CAMSAP2: variants seen among roughly 807,000 people sequenced by gnomAD.
The protein encoded by CAMSAP2 is calmodulin regulated spectrin associated protein family member 2.
Under a neutral mutation model 146.1 loss-of-function variants are expected in CAMSAP2, and 26 were observed. That is an observed-to-expected ratio of 0.18 (90% CI 0.13 to 0.25). The LOEUF (loss-of-function observed/expected upper bound fraction) is 0.25. CAMSAP2 is among the 10% of genes least tolerant of loss of function. The pLI is 1.00. For missense variants in CAMSAP2, 1,381 were observed against 1,759.3 expected (o/e 0.78, Z 3.85); for synonymous variants, 499 against 596.6 (o/e 0.84, Z 2.38).
At chr1:200,856,623 C>A (rs1667758570) in intron 15 of CAMSAP2, among the ~76,000 whole-genome samples, 1 of 152,144 alleles carries the variant, frequency 6.6e-6, no homozygotes. Context: ...GTTAAGGACA[C>A]TTCTAAATAA....
In CAMSAP2 at chr1:200,860,080, G is replaced by A. The variant is rs559253184; in HGVS notation, c.*2021G>A. 9.5e-4 allele frequency: 145 copies of A among 152,770 alleles called. No homozygotes were observed. Among genetic ancestry groups the A allele is most frequent in the Non-Finnish European group, 1.8e-3 (122 of 67,962 alleles). 9.5% of individuals were successfully genotyped at this position (152,770 alleles called of 1,614,324 possible). ...TTAAATTTGTGTGTGTCCAACAGTTGAATTGAATGTCTATAAGGTCTAAAG... is the reference window on the plus strand; with the variant it reads ...TTAAATTTGTGTGTGTCCAACAGTTAAATTGAATGTCTATAAGGTCTAAAG... On this transcript the variant is annotated 3_prime_UTR_variant, in exon 17 of 17. Transcript: ENST00000358823.
intron 6 of CAMSAP2, among the ~76,000 whole-genome samples, chr1:200,835,239 A>C (rs75033173): frequency 2.8e-3 from 427 of 152,370 alleles, no homozygotes; most frequent in African/African-American, 9.4e-3. Flanking sequence ...AGAACTACAG[A>C]ATGCAAGTGT....
intron 2 of CAMSAP2, among the ~76,000 whole-genome samples, chr1:200,779,135 G>GT (rs1665364395): frequency 6.6e-6 from 1 of 152,116 alleles, no homozygotes; most frequent in Non-Finnish European, 1.5e-5. Flanking sequence ...CCCTATTAAT[G>GT]AATATAGGTC....
intron 1 of CAMSAP2, among the ~76,000 whole-genome samples, chr1:200,748,727 A>G (rs1467303958): frequency 1.3e-5 from 2 of 150,134 alleles, no homozygotes; most frequent in African/African-American, 4.9e-5. Context: ...ATTGATAGTT[A>G]GATCTAGAGG....
chr1:200,847,356 C>G (rs1353294944), intron 9 of CAMSAP2, 64 bp downstream of exon 9: 6 of 1,152,546 alleles, frequency 5.2e-6, no homozygotes, highest in Non-Finnish European at 7.6e-6. Context: ...AAATGATTGA[C>G]AGTAAATATA....
chr1:200,817,064 A>G (rs1325600118), intron 4 of CAMSAP2, among the ~76,000 whole-genome samples: 5 of 140,810 alleles, frequency 3.6e-5, no homozygotes, highest in Admixed American at 6.8e-5. Flanking sequence ...GTATACACAC[A>G]CGTATATATG....
At chr1:200,817,257 T>G (rs1432766139) in intron 4 of CAMSAP2, among the ~76,000 whole-genome samples, 1 of 8,302 alleles carries the variant, frequency 1.2e-4, no homozygotes, top group African/African-American at 4.7e-4. Flanking sequence ...CATATGTGTG[T>G]GTATATACAC....
chr1:200,830,461 C>G (rs879853416), intron 4 of CAMSAP2, among the ~76,000 whole-genome samples: 1 of 152,174 alleles, frequency 6.6e-6, no homozygotes, highest in Non-Finnish European at 1.5e-5. Flanking sequence ...AGGTCATAGG[C>G]TGAAAACAAA....
At chr1:200,804,216 G>A (rs536602099) in intron 2 of CAMSAP2, among the ~76,000 whole-genome samples, 2 of 152,112 alleles carry the variant, frequency 1.3e-5, no homozygotes, top group South Asian at 2.1e-4. Flanking sequence ...GTGAGCCACC[G>A]CGCCTGGCCA....
At position 200,818,170 on chromosome 1, in the gene CAMSAP2, G is replaced by A. The variant is rs1188847278; in HGVS notation, c.645+2526G>A. The stretch of plus-strand genomic sequence containing the variant: ...GAAATCTTGTGTATTATATATAATG[G>A]TTAAATTCTGTAGTATTGCATACAC... On this transcript the variant is annotated intron_variant, in intron 4 of 16. Transcript: ENST00000358823. Among the ~76,000 whole-genome samples, 6 of 152,108 alleles carry A rather than the reference G, an allele frequency of 3.9e-5. No homozygotes were observed. The East Asian group carries it at 1.2e-3, about 29-fold the overall frequency.
In CAMSAP2 at chr1:200,832,229, T is replaced by C; in HGVS notation, c.675T>C (p.Leu225=). ...GTTATCGGAAAGAGCAAACATTGCT[T>C]AAGCAACTGCCTTGCATTCCATTGG... ...KARYRKEQTL[L]KQLPCIPLVE... Residue 225 remains leucine (L), a synonymous_variant, in exon 5 of 17, where the codon CTT becomes CTC. Transcript: ENST00000358823. The surrounding 1 kb of genome is among the most constrained non-coding windows in gnomAD (Gnocchi z 4.2). 2.5e-6 allele frequency: 4 copies of C among 1,613,050 alleles called. No homozygotes were observed. The highest frequency in any genetic ancestry group is 3.4e-6 in the Non-Finnish European group (4 of 1,179,502).
intron 4 of CAMSAP2, among the ~76,000 whole-genome samples, chr1:200,830,123 ACT>A (rs2102212059): frequency 6.6e-6 from 1 of 152,112 alleles, no homozygotes; most frequent in Non-Finnish European, 1.5e-5. Context: ...AGTACAAAAG[ACT>A]CTTTCATGAA....
At chr1:200,772,582 C>T (rs967798369) in intron 2 of CAMSAP2, among the ~76,000 whole-genome samples, 2 of 152,056 alleles carry the variant, frequency 1.3e-5, no homozygotes, top group African/African-American at 2.4e-5. Context: ...GCACTCCAGC[C>T]TGTGCGACAG....
rs116613366 is a variant in CAMSAP2 at position 200,796,444 on chromosome 1, G to A, written c.400-10932G>A. On this transcript the variant is annotated intron_variant, in intron 2 of 16. Coordinates refer to ENST00000358823, the MANE Select transcript of CAMSAP2 (RefSeq NM_203459.4). ...CCCTTTCACGATTGCTTTGGCTGTG[G>A]TGAGTCCCTTGAGCTTTAATATGAA... is the stretch of plus-strand genomic sequence containing the variant. Among the ~76,000 whole-genome samples the A allele has an allele frequency of 3.9e-3, 591 of 152,190 alleles. 3 individuals carry two copies. Among genetic ancestry groups the A allele is most frequent in the African/African-American group, 0.014 (562 of 41,534 alleles).
chr1:200,798,946 C>T (rs1475627201), intron 2 of CAMSAP2, among the ~76,000 whole-genome samples: 44 of 151,700 alleles, frequency 2.9e-4, no homozygotes, highest in Non-Finnish European at 5.9e-4. Context: ...TTGTCTTTGG[C>T]TCTGTTTATA....
chr1:200,818,228 C>A (rs1009186491), intron 4 of CAMSAP2, among the ~76,000 whole-genome samples: 3 of 151,930 alleles, frequency 2.0e-5, no homozygotes, highest in African/African-American at 7.3e-5. Flanking sequence ...TATATGATGA[C>A]AGAGGGCCCA....
At chr1:200,834,858 G>A (rs1182398208) in intron 6 of CAMSAP2, among the ~76,000 whole-genome samples, 3 of 152,182 alleles carry the variant, frequency 2.0e-5, no homozygotes, top group Non-Finnish European at 4.4e-5. Context: ...ACTGCAGTGA[G>A]CCCTGATTGC....
At position 200,803,463 on chromosome 1, in the gene CAMSAP2, C is replaced by T. The variant is rs553923876; in HGVS notation, c.400-3913C>T. 7.2e-5 allele frequency among the ~76,000 whole-genome samples: 11 copies of T among 152,092 alleles called. No homozygotes were observed. The East Asian group carries it at 7.7e-4, about 11-fold the overall frequency. Reference sequence around the variant, plus strand: ...TGAATGCTTTAGGTAAGCAATTAAACGTGTATATTTTATTTGGAGCTATCA... The same window carrying T: ...TGAATGCTTTAGGTAAGCAATTAAATGTGTATATTTTATTTGGAGCTATCA... On this transcript the variant is annotated intron_variant, in intron 2 of 16. Coordinates refer to ENST00000358823, the MANE Select transcript of CAMSAP2 (RefSeq NM_203459.4).
chr1:200,813,938 A>G (rs1177121904), intron 3 of CAMSAP2, among the ~76,000 whole-genome samples: 1 of 151,594 alleles, frequency 6.6e-6, no homozygotes, highest in Non-Finnish European at 1.5e-5. Context: ...TCTCTACCAA[A>G]AACAAAACAA....
Sources: gnomAD v4.1 joint callset for allele counts (sites outside exome capture counted in the v4.1 genomes callset) on GRCh38, gnomAD v4.1.1 for gene constraint, Gnocchi (gnomAD v3.1) non-coding constraint, MANE v1.5 for transcripts, NCBI Gene and HGNC (gene_info 2026-07-23, HGNC 2026-07-21) for gene names.